RIMOC1: variants seen among roughly 807,000 people sequenced by gnomAD.
RIMOC1 encodes the protein RAB7A-interacting MON1-CCZ1 complex subunit 1.
the RIMOC1 span, chr5:41,907,926 A>C: frequency 2.5e-4 from 201 of 802,666 alleles, no homozygotes; most frequent in African/African-American, 3.4e-3. Flanking sequence ...GGTAAAATGA[A>C]ATCAGTTTAT....
At chr5:41,906,500 A>T in the RIMOC1 span, among the ~76,000 whole-genome samples, 1 of 152,214 alleles carries the variant, frequency 6.6e-6, no homozygotes, top group East Asian at 1.9e-4. Context: ...CTGCAAGTTA[A>T]ACAAAATATC....
chr5:41,911,210 T>C, the RIMOC1 span: 4 of 1,582,604 alleles, frequency 2.5e-6, no homozygotes, highest in African/African-American at 1.4e-5. Context: ...CATTTTTCAT[T>C]GTTGACATTT....
chr5:41,911,211 G>T, the RIMOC1 span: 3 of 1,580,880 alleles, frequency 1.9e-6, no homozygotes, highest in Non-Finnish European at 1.7e-6. Flanking sequence ...ATTTTTCATT[G>T]TTGACATTTA....
At chr5:41,911,145 A>T in the RIMOC1 span, 2 of 1,607,226 alleles carry the variant, frequency 1.2e-6, no homozygotes, top group Admixed American at 1.7e-5. Context: ...AAAAGAAGAG[A>T]GTGGCTCTTA....
the RIMOC1 span, chr5:41,917,847 T>C: frequency 1.4e-5 from 11 of 809,390 alleles, no homozygotes; most frequent in Non-Finnish European, 1.6e-5. Flanking sequence ...GTTTAATTAT[T>C]TTGCCATGTA....
the RIMOC1 span, chr5:41,912,078 G>C: frequency 5.0e-6 from 8 of 1,596,772 alleles, no homozygotes; most frequent in Non-Finnish European, 6.9e-6. Context: ...GTACCTTCTT[G>C]ATGGAATCAG....
the RIMOC1 span, chr5:41,917,683 G>T: frequency 1.0e-6 from 1 of 970,244 alleles, no homozygotes; most frequent in Non-Finnish European, 1.2e-6. Flanking sequence ...CTACCTTGAA[G>T]TTTGCCATGC....
chr5:41,911,242 T>C, the RIMOC1 span: 1 of 1,501,974 alleles, frequency 6.7e-7, no homozygotes, highest in Non-Finnish European at 9.0e-7. Flanking sequence ...AAAGCTGTCT[T>C]TGTTGTACTA....
the RIMOC1 span, chr5:41,917,322 A>G: frequency 6.4e-7 from 1 of 1,560,370 alleles, no homozygotes; most frequent in Non-Finnish European, 8.6e-7. Flanking sequence ...GTCCTTTTCA[A>G]ATAGAAAAAC....
chr5:41,916,955 A>G, the RIMOC1 span: 1 of 1,412,318 alleles, frequency 7.1e-7, no homozygotes. Context: ...AGTTTAGTTA[A>G]TAACTACGGT....
chr5:41,913,246 C>T, the RIMOC1 span, among the ~76,000 whole-genome samples: 84 of 152,326 alleles, frequency 5.5e-4, 1 homozygote, highest in South Asian at 0.012. Context: ...AATCAGATTA[C>T]TTTACTTAGC....
the RIMOC1 span, chr5:41,916,248 G>T: frequency 8.4e-6 from 2 of 238,242 alleles, no homozygotes; most frequent in Non-Finnish European, 1.4e-5. Context: ...AAAGAGCTTT[G>T]GTGACTTGCC....
the RIMOC1 span, chr5:41,911,286 A>G: frequency 9.7e-7 from 1 of 1,030,004 alleles, no homozygotes; most frequent in South Asian, 2.2e-5. Flanking sequence ...CTGAGTTTGT[A>G]TTCTGTGTCT....
At chr5:41,914,106 C>G in the RIMOC1 span, among the ~76,000 whole-genome samples, 3 of 152,162 alleles carry the variant, frequency 2.0e-5, no homozygotes, top group African/African-American at 4.8e-5. Context: ...TCCTAATTCT[C>G]CCATTTCCAG....
chr5:41,909,317 G>A, the RIMOC1 span, among the ~76,000 whole-genome samples: 2 of 152,058 alleles, frequency 1.3e-5, no homozygotes, highest in African/African-American at 4.8e-5. Context: ...CGCCCCTCAC[G>A]CTGGCTCTGT....
the RIMOC1 span, chr5:41,909,959 T>G: frequency 7.7e-7 from 1 of 1,293,462 alleles, no homozygotes; most frequent in Non-Finnish European, 1.1e-6. Context: ...CTTTTTGGAG[T>G]CTATATTTTT....
the RIMOC1 span, chr5:41,904,383 T>A: frequency 6.2e-7 from 1 of 1,613,670 alleles, no homozygotes; most frequent in Non-Finnish European, 8.5e-7. Flanking sequence ...GGCCGCAGTC[T>A]CTAGTGTGGT....
At chr5:41,910,662 G>C in the RIMOC1 span, among the ~76,000 whole-genome samples, 1 of 151,644 alleles carries the variant, frequency 6.6e-6, no homozygotes, top group South Asian at 2.1e-4. Context: ...AATTATTTTT[G>C]GGTGTAAATT....
chr5:41,917,298 A>G, the RIMOC1 span: 2 of 1,604,550 alleles, frequency 1.2e-6, no homozygotes, highest in Non-Finnish European at 1.7e-6. Context: ...CGCTGTAACT[A>G]GTAAGTTCAT....
Sources: gnomAD v4.1 joint callset for allele counts (sites outside exome capture counted in the v4.1 genomes callset) on GRCh38, gnomAD v4.1.1 for gene constraint, MANE v1.5 for transcripts, NCBI Gene and HGNC (gene_info 2026-07-23, HGNC 2026-07-21) for gene names.